Variants in UPF3B observed in about 807,000 individuals in gnomAD.
The protein encoded by UPF3B is regulator of nonsense transcripts 3B.
In UPF3B, 7 loss-of-function variants were observed where a neutral mutation model predicts 40.3. The ratio of observed to expected loss-of-function variants is 0.17; its 90% CI spans 0.10 to 0.33. The LOEUF is 0.33. Ranked by LOEUF, UPF3B falls within the 10% of genes least tolerant of loss-of-function variation. The pLI is 1.00. For synonymous variants in UPF3B, 117 were observed against 117.3 expected (o/e 1.00, Z 0.01); for missense variants, 229 against 358.9 (o/e 0.64, Z 2.93).
intron 5 of UPF3B, among the ~76,000 whole-genome samples, chrX:119,808,181 A>G (rs751951384): frequency 9.0e-6 from 1 of 111,724 alleles, no homozygotes; most frequent in South Asian, 3.7e-4. Context: ...TGCCTGGCCT[A>G]TAGTTATTAA....
chrX:119,823,335 C>T (rs888461866), intron 3 of UPF3B, among the ~76,000 whole-genome samples: 1 of 111,189 alleles, frequency 9.0e-6, no homozygotes, highest in Non-Finnish European at 1.9e-5. Flanking sequence ...CTTCGACATT[C>T]CAGACTGAAG....
Position 119,851,764 on chromosome X carries a change from T to A in UPF3B, c.263+3A>T, listed in dbSNP as rs2147802765. On this transcript the variant is annotated splice_donor_region_variant and intron_variant, in intron 2 of 10. Transcript: ENST00000276201. ...ACCCCTTTCCTTTTTTTTTTTTTTT[T>A]ACCTCGTATCATTAGAAAAAAACTC... 1 of 968,487 alleles carries A rather than the reference T, an allele frequency of 1.0e-6. No homozygotes were observed. The highest frequency in any genetic ancestry group is 1.4e-6 in the Non-Finnish European group (1 of 710,206). 79.8% of individuals were successfully genotyped at this position (968,487 alleles called of 1,213,427 possible). A position where few individuals can be genotyped will look rare whatever the true frequency, so the allele number is the denominator to read the frequency against.
chrX:119,827,647 G>A (rs1242967815), intron 3 of UPF3B, among the ~76,000 whole-genome samples: 1 of 111,691 alleles, frequency 9.0e-6, no homozygotes, highest in Non-Finnish European at 1.9e-5. Context: ...TGCATGCCTC[G>A]GCCTCCCAAA....
At chrX:119,822,986 G>A in exon 4 of UPF3B, 1 of 900,164 alleles carries the variant, frequency 1.1e-6, no homozygotes, top group South Asian at 3.0e-5. Flanking sequence ...TCATCAGGGT[G>A]CCAGAGTCGA....
intron 3 of UPF3B, among the ~76,000 whole-genome samples, chrX:119,828,695 T>C (rs1399875974): frequency 9.2e-6 from 1 of 109,069 alleles, no homozygotes; most frequent in Admixed American, 9.9e-5. Context: ...AAAATCTCCT[T>C]ATAGGAACTT....
At chrX:119,814,786 C>A (rs778045974) in intron 5 of UPF3B, among the ~76,000 whole-genome samples, 1 of 110,522 alleles carries the variant, frequency 9.0e-6, no homozygotes. Flanking sequence ...CAATTCTGAA[C>A]CTCTGATCAG....
At chrX:119,829,348 T>G (rs1443749618), downstream of UPF3B, among the ~76,000 whole-genome samples, 1 of 112,176 alleles carries the variant, frequency 8.9e-6, no homozygotes, top group Non-Finnish European at 1.9e-5. Context: ...CTTTGATATG[T>G]TAAGGATAAT....
In UPF3B at chrX:119,838,598, C is replaced by T. The variant is rs997574170; in HGVS notation, c.847-71G>A. The T allele has an allele frequency of 3.7e-5, 40 of 1,076,164 alleles. No individual in the cohort carries two copies. In the African/African-American group the frequency reaches 4.1e-4, roughly 11 times the overall value. The allele number at this position is 1,076,164 out of a possible 1,213,427, so 88.7% of individuals were successfully genotyped here. ...ATCTTCTATTAAAAACCCAGTATAC[C>T]AAATATTTAAAATTTAGACTAGACA... On this transcript the variant is annotated intron_variant, in intron 8 of 10. Coordinates refer to ENST00000276201, the MANE Select transcript of UPF3B (RefSeq NM_080632.3).
At chrX:119,828,620 C>T (rs1407251455) in intron 3 of UPF3B, among the ~76,000 whole-genome samples, 2 of 108,390 alleles carry the variant, frequency 1.8e-5, no homozygotes, top group African/African-American at 3.4e-5. Context: ...TGCAGTGAGC[C>T]GCGACTGTGC....
intron 4 of UPF3B, among the ~76,000 whole-genome samples, chrX:119,843,810 T>A (rs933464817): frequency 1.8e-5 from 2 of 112,216 alleles, no homozygotes; most frequent in African/African-American, 6.5e-5. Flanking sequence ...GTATCACAGC[T>A]ATGTGTTATT....
Position 119,835,146 on chromosome X carries a change from A to C in UPF3B, c.1303-119T>G. 5 of 822,629 alleles carry C rather than the reference A, an allele frequency of 6.1e-6. No homozygotes were observed. The South Asian group carries it at 1.1e-4, about 18-fold the overall frequency. The allele number at this position is 822,629 out of a possible 1,213,427, so 67.8% of individuals were successfully genotyped here. On this transcript the variant is annotated intron_variant, in intron 10 of 10. Coordinates refer to ENST00000276201, the MANE Select transcript of UPF3B (RefSeq NM_080632.3). ...CAAGTGAAGTCATTTAAGACCAAAA[A>C]TGTGAGGGCACGGTAAATGACAACT...
intron 3 of UPF3B, among the ~76,000 whole-genome samples, chrX:119,826,352 G>A (rs139479786): frequency 6.5e-5 from 7 of 108,466 alleles, no homozygotes; most frequent in Admixed American, 2.0e-4. Context: ...CTGGTGGTGC[G>A]TGCCTATAAT....
At chrX:119,837,401 G>A (rs1372291700) in intron 10 of UPF3B, among the ~76,000 whole-genome samples, 1 of 107,305 alleles carries the variant, frequency 9.3e-6, no homozygotes, top group Non-Finnish European at 1.9e-5. Context: ...GGATCACGAG[G>A]TCAGGAGATC....
At chrX:119,813,998 A>G (rs1459376553) in intron 5 of UPF3B, among the ~76,000 whole-genome samples, 2 of 112,051 alleles carry the variant, frequency 1.8e-5, no homozygotes, top group Non-Finnish European at 3.8e-5. Context: ...GAAGGCAGAA[A>G]CTAATATCAT....
rs1270572854 is a variant in UPF3B at position 119,837,776 on chromosome X, C to G, written c.1283G>C (p.Arg428Thr). 8.3e-7 allele frequency: 1 copy of G among 1,210,345 alleles called. No individual in the cohort carries two copies. The highest frequency in any genetic ancestry group is 1.1e-6 in the Non-Finnish European group (1 of 895,406). ...KTEKKEEVVK[R>T]DRIRNKDRPA... ...CAGCACCTTGTTTCTTATTCGATCT[C>G]TCTTGACCACTTCTTCTTTCTTTTC... Residue 428 changes from arginine (R) to threonine (T), a missense_variant, in exon 10 of 11, where the codon AGA (arginine) becomes ACA (threonine). Coordinates refer to ENST00000276201, the MANE Select transcript of UPF3B (RefSeq NM_080632.3).
At chrX:119,805,358 C>G (rs1477366735) in exon 7 of UPF3B, 1 of 229,471 alleles carries the variant, frequency 4.4e-6, no homozygotes, top group Admixed American at 9.4e-5. Context: ...CAAGCTGAGA[C>G]TAAAAGTTGC....
chrX:119,807,618 G>A, intron 5 of UPF3B: 1 of 681,058 alleles, frequency 1.5e-6, no homozygotes, highest in Non-Finnish European at 1.8e-6. Flanking sequence ...TTAGAACAAT[G>A]CTAATATGCT....
intron 1 of UPF3B, 91 bp downstream of exon 1, chrX:119,852,682 G>T (rs756113290): frequency 6.9e-6 from 8 of 1,163,313 alleles, no homozygotes; most frequent in Admixed American, 6.6e-5. Flanking sequence ...AGGAGAACCT[G>T]AGAAAGAAAG....
At chrX:119,838,660 G>T in intron 8 of UPF3B, 133 bp from the exon 9 acceptor site, 1 of 614,899 alleles carries the variant, frequency 1.6e-6, no homozygotes, top group Non-Finnish European at 2.6e-6. Context: ...TAATCTTTCA[G>T]GTGAACAACT....
Sources: allele counts gnomAD v4.1 joint callset (sites outside exome capture counted in the v4.1 genomes callset), GRCh38; gene constraint gnomAD v4.1.1; transcripts MANE v1.5; gene names NCBI Gene and HGNC (gene_info 2026-07-23, HGNC 2026-07-21).